Variants in ANKRD22 observed in about 807,000 individuals in gnomAD.
The protein encoded by ANKRD22 is ankyrin repeat domain 22.
ANKRD22 carries 24 observed loss-of-function variants against 25.7 expected under a neutral mutation model. The observed-to-expected ratio is 0.93, with a 90% confidence interval of 0.68 to 1.31. The LOEUF is 1.31. Ranked by LOEUF, ANKRD22 falls within the 50% of genes most tolerant of loss-of-function variation. The probability of loss-of-function intolerance (pLI) is 0.00; values close to 1 mark genes in which losing one functional copy is unlikely to be tolerated. For synonymous variants in ANKRD22, 84 were observed against 84.3 expected, an observed-to-expected ratio of 1.00 and a Z score of 0.02; for missense variants, 214 against 227.1, an observed-to-expected ratio of 0.94 and a Z score of 0.37.
At chr10:88,829,222 C>T (rs190780808) in intron 2 of ANKRD22, among the ~76,000 whole-genome samples, 1 of 152,160 alleles carries the variant, frequency 6.6e-6, no homozygotes, top group African/African-American at 2.4e-5. Flanking sequence ...ACTCTTAGGG[C>T]CTCATAATCA....
chr10:88,839,853 G>A (rs575066920), intron 1 of ANKRD22, among the ~76,000 whole-genome samples: 27 of 152,272 alleles, frequency 1.8e-4, no homozygotes, highest in African/African-American at 6.3e-4. Flanking sequence ...TTGCAATCAT[G>A]TTTGCACCAA....
intron 1 of ANKRD22, among the ~76,000 whole-genome samples, chr10:88,832,924 A>G (rs751190591): frequency 1.5e-4 from 23 of 152,154 alleles, no homozygotes; most frequent in Non-Finnish European, 3.1e-4. Flanking sequence ...TCTCTGCATA[A>G]AACACACCAC....
intron 1 of ANKRD22, among the ~76,000 whole-genome samples, chr10:88,847,808 A>G (rs948671001): frequency 1.8e-4 from 28 of 152,188 alleles, no homozygotes; most frequent in African/African-American, 6.5e-4. Flanking sequence ...ACACAGAGAA[A>G]TACACACAAA....
intron 1 of ANKRD22, among the ~76,000 whole-genome samples, chr10:88,836,670 T>C (rs1262939571): frequency 6.6e-6 from 1 of 152,220 alleles, no homozygotes; most frequent in Non-Finnish European, 1.5e-5. Flanking sequence ...AAAATTAAGC[T>C]ACAGTCTGTA....
intron 1 of ANKRD22, among the ~76,000 whole-genome samples, chr10:88,836,575 A>G (rs1033061846): frequency 2.6e-5 from 4 of 152,228 alleles, no homozygotes; most frequent in African/African-American, 7.2e-5. Context: ...GAATGCGTAC[A>G]TTCTATCTCC....
At chr10:88,841,594 A>G (rs1844004311) in intron 1 of ANKRD22, among the ~76,000 whole-genome samples, 1 of 152,146 alleles carries the variant, frequency 6.6e-6, no homozygotes, top group Non-Finnish European at 1.5e-5. Context: ...CGTTAAAGTA[A>G]GTTATAATGG....
At chr10:88,827,134 C>T (rs2133070751) in intron 3 of ANKRD22, among the ~76,000 whole-genome samples, 1 of 152,290 alleles carries the variant, frequency 6.6e-6, no homozygotes, top group South Asian at 2.1e-4. Flanking sequence ...CCTGTCATCA[C>T]CTGGGAAGCT....
chr10:88,834,471 T>C (rs1019915326), intron 1 of ANKRD22, among the ~76,000 whole-genome samples: 6 of 152,338 alleles, frequency 3.9e-5, no homozygotes, highest in African/African-American at 1.2e-4. Flanking sequence ...TGATTAGCAG[T>C]GAGCACTACT....
rs769187545 is a variant in ANKRD22 at position 88,850,005 on chromosome 10, G to GTT, written c.21+1580_21+1581dup. Among the ~76,000 whole-genome samples, 1,440 of 139,032 alleles carry GTT rather than the reference G, an allele frequency of 0.01. 45 individuals carry two copies. In the East Asian group the frequency reaches 0.14, roughly 14 times the overall value. The allele number at this position is 139,032 out of a possible 152,430, so 91.2% of individuals were successfully genotyped here. On this transcript the variant is annotated intron_variant, in intron 1 of 5. Coordinates refer to ENST00000371930, the MANE Select transcript of ANKRD22 (RefSeq NM_144590.3). ...GCTTCCCGCACTCAAATTGGGGGAA[G>GTT]TTTTTTTTTTTTTTTTGAATAGATT...
chr10:88,847,420 A>AG (rs1274024372), intron 1 of ANKRD22, among the ~76,000 whole-genome samples: 1 of 151,938 alleles, frequency 6.6e-6, no homozygotes, highest in Non-Finnish European at 1.5e-5. Context: ...CTCCACACCC[A>AG]GCTAATTTTT....
chr10:88,848,638 T>C (rs1216578822), intron 1 of ANKRD22, among the ~76,000 whole-genome samples: 1 of 152,168 alleles, frequency 6.6e-6, no homozygotes, highest in Non-Finnish European at 1.5e-5. Flanking sequence ...TGAAACCAGA[T>C]CTCATTCAGC....
chr10:88,823,499 C>G (rs2040771514), intron 4 of ANKRD22, 121 bp from the exon 5 acceptor site: 2 of 763,886 alleles, frequency 2.6e-6, no homozygotes, highest in Middle Eastern at 3.2e-4. Flanking sequence ...GAAAAATAGT[C>G]TGCAAACCAT....
chr10:88,844,567 G>C (rs766473223), intron 1 of ANKRD22, among the ~76,000 whole-genome samples: 2 of 151,942 alleles, frequency 1.3e-5, no homozygotes, highest in Non-Finnish European at 2.9e-5. Flanking sequence ...TATGTATCAA[G>C]AGCTGTTTCT....
chr10:88,847,101 T>A (rs1844055888), intron 1 of ANKRD22, among the ~76,000 whole-genome samples: 2 of 152,202 alleles, frequency 1.3e-5, no homozygotes, highest in South Asian at 4.1e-4. Flanking sequence ...TTTGTGATAC[T>A]GATGGATCCA....
In ANKRD22 at chr10:88,831,934, A is replaced by G; in HGVS notation, c.114T>C (p.Phe38=). ...DSSYANVQDG[F]NGDTPLICAC... The stretch of plus-strand genomic sequence containing the variant: ...CACAGATCAGGGGCGTGTCTCCATT[A>G]AAGCCATCTTGAACGTTGGCATAGC... Residue 38 remains phenylalanine, a synonymous_variant, in exon 2 of 6, where the codon TTT becomes TTC. Coordinates refer to ENST00000371930, the MANE Select transcript of ANKRD22 (RefSeq NM_144590.3). 1 of 1,614,018 alleles carries G rather than the reference A, an allele frequency of 6.2e-7. No homozygotes were observed. Among genetic ancestry groups the G allele is most frequent in the Non-Finnish European group, 8.5e-7 (1 of 1,179,928 alleles).
chr10:88,832,115 A>C, intron 1 of ANKRD22, 89 bp from the exon 2 acceptor site: 1 of 1,336,616 alleles, frequency 7.5e-7, no homozygotes, highest in East Asian at 2.4e-5. Flanking sequence ...AATACATTAA[A>C]ATTTAAATGT....
intron 1 of ANKRD22, among the ~76,000 whole-genome samples, chr10:88,838,772 G>C (rs1294340977): frequency 6.6e-6 from 1 of 152,070 alleles, no homozygotes; most frequent in African/African-American, 2.4e-5. Context: ...ATTGAACCAT[G>C]GTCAAAAAAC....
rs74147296 is a variant in ANKRD22, at chr10:88,842,304, C to G, written c.21+9283G>C. 7.4e-3 allele frequency among the ~76,000 whole-genome samples: 1,128 copies of G among 152,218 alleles called. 13 individuals are homozygous for G. Among genetic ancestry groups the G allele is most frequent in the East Asian group, 0.052 (268 of 5,180 alleles). On this transcript the variant is annotated intron_variant, in intron 1 of 5. Transcript: ENST00000371930. Reference sequence around the variant, plus strand: ...ACAAAAATAATATTATCCCTCTTTACAGATGAGAAAACAGGCTCAGAGCTC... The same window carrying G: ...ACAAAAATAATATTATCCCTCTTTAGAGATGAGAAAACAGGCTCAGAGCTC...
At chr10:88,828,146 T>C (rs1440976737) in intron 3 of ANKRD22, among the ~76,000 whole-genome samples, 1 of 152,224 alleles carries the variant, frequency 6.6e-6, no homozygotes, top group Admixed American at 6.5e-5. Context: ...TTTTAGGATC[T>C]GTTTTTCAAC....
Sources: allele counts gnomAD v4.1 joint callset (sites outside exome capture counted in the v4.1 genomes callset), GRCh38; gene constraint gnomAD v4.1.1; transcripts MANE v1.5; gene names NCBI Gene and HGNC (gene_info 2026-07-23, HGNC 2026-07-21).